Variants in GLI3 observed in about 807,000 individuals in gnomAD.
The protein encoded by GLI3 is transcription activator GLI3.
GLI3 carries 20 observed loss-of-function variants against 100.8 expected under a neutral mutation model. The observed-to-expected ratio is 0.20, with a 90% CI of 0.14 to 0.29. The LOEUF (loss-of-function observed/expected upper bound fraction) is 0.29, where lower values mean the gene tolerates loss of function less well. Among genes scored for constraint, GLI3 ranks in the 10% least tolerant of loss-of-function variants. GLI3 has a pLI of 1.00. For missense variants in GLI3, 2,040 were observed against 2,128.5 expected (o/e 0.96, Z 0.82); for synonymous variants, 938 against 860.5 (o/e 1.09, Z -1.58).
At chr7:42,118,162 ATCT>A (rs374477455) in intron 3 of GLI3, 3 of 393,100 alleles carry the variant, frequency 7.6e-6, no homozygotes, top group African/African-American at 4.1e-5. Flanking sequence ...AAGCTTAATC[ATCT>A]TAATGAAATA....
rs148920803 is a variant in GLI3 at position 42,204,829 on chromosome 7, C to T, written c.124+18301G>A. Among the ~76,000 whole-genome samples the T allele has an allele frequency of 4.4e-3, 664 of 152,180 alleles. 4 individuals are homozygous for T. The highest frequency in any genetic ancestry group is 0.014 in the African/African-American group (584 of 41,544). On this transcript the variant is annotated intron_variant, in intron 2 of 14. Coordinates refer to ENST00000395925, the MANE Select transcript of GLI3 (RefSeq NM_000168.6). ...GACATGAAAAGTTCTATTGTATGCA[C>T]GACTTCCCCGAGACTCTCCTTCGGG...
intron 3 of GLI3, among the ~76,000 whole-genome samples, chr7:42,112,118 A>T (rs1294064764): frequency 6.6e-6 from 1 of 152,218 alleles, no homozygotes; most frequent in Non-Finnish European, 1.5e-5. Context: ...ACTGCATGAC[A>T]GGAATTTCAT....
At chr7:42,098,968 A>G (rs1255120116) in intron 3 of GLI3, among the ~76,000 whole-genome samples, 1 of 152,176 alleles carries the variant, frequency 6.6e-6, no homozygotes, top group East Asian at 1.9e-4. Context: ...TGGGGCATCC[A>G]AAAGGAAGAG....
intron 7 of GLI3, among the ~76,000 whole-genome samples, chr7:42,038,536 C>G (rs1176769124): frequency 1.3e-5 from 2 of 152,118 alleles, no homozygotes; most frequent in Non-Finnish European, 2.9e-5. Context: ...TAGACATATC[C>G]AACTCTAAAG....
chr7:42,065,304 C>A (rs1397648554), intron 4 of GLI3, among the ~76,000 whole-genome samples: 4 of 151,282 alleles, frequency 2.6e-5, no homozygotes, highest in African/African-American at 7.3e-5. Context: ...CCCTGGTTAG[C>A]TACAATGCAC....
At chr7:42,182,441 A>T (rs1450880605) in intron 2 of GLI3, among the ~76,000 whole-genome samples, 2 of 150,004 alleles carry the variant, frequency 1.3e-5, no homozygotes, top group Admixed American at 6.6e-5. Context: ...CTTTAAAATT[A>T]AAAAAATAAT....
At chr7:42,090,018 G>T (rs149944256) in intron 3 of GLI3, among the ~76,000 whole-genome samples, 243 of 152,322 alleles carry the variant, frequency 1.6e-3, no homozygotes, top group African/African-American at 5.5e-3. Flanking sequence ...GGCTATAACG[G>T]TACGGTAGCA....
At chr7:42,138,947 T>A (rs531139457) in intron 3 of GLI3, among the ~76,000 whole-genome samples, 1 of 152,286 alleles carries the variant, frequency 6.6e-6, no homozygotes, top group African/African-American at 2.4e-5. Flanking sequence ...TCCCATCCTC[T>A]CCCCTGAGAC....
At chr7:42,232,749 A>G (rs1304236601) in intron 1 of GLI3, among the ~76,000 whole-genome samples, 7 of 152,232 alleles carry the variant, frequency 4.6e-5, no homozygotes, top group Non-Finnish European at 4.4e-5. Context: ...AGCTCAACAC[A>G]ATATTGCCTT....
At chr7:42,184,513 T>A (rs1475744484) in intron 2 of GLI3, among the ~76,000 whole-genome samples, 2 of 152,230 alleles carry the variant, frequency 1.3e-5, no homozygotes, top group African/African-American at 4.8e-5. Flanking sequence ...AGGAACACCA[T>A]ATCTGTTTCC....
intron 3 of GLI3, among the ~76,000 whole-genome samples, chr7:42,080,698 T>C (rs955374917): frequency 6.6e-6 from 1 of 152,206 alleles, no homozygotes; most frequent in Non-Finnish European, 1.5e-5. Context: ...GTAACATACG[T>C]GGCATCTCAT....
chr7:42,009,480 CTTTTTT>C (rs3030324), intron 10 of GLI3, among the ~76,000 whole-genome samples: 10 of 118,364 alleles, frequency 8.4e-5, no homozygotes, highest in African/African-American at 2.9e-4. Flanking sequence ...GCAAATTGTT[CTTTTTT>C]TTTTTTTTTT....
Position 42,201,950 on chromosome 7 carries a change from C to T in GLI3, c.124+21180G>A, listed in dbSNP as rs561322153. On this transcript the variant is annotated intron_variant, in intron 2 of 14. Coordinates refer to ENST00000395925, the MANE Select transcript of GLI3 (RefSeq NM_000168.6). ...TACAAAAATTAGCTGGGCATGGTGG[C>T]GTGCGCCTGTAGTCCCAGCTACTCA... 4.3e-4 allele frequency among the ~76,000 whole-genome samples: 65 copies of T among 151,884 alleles called. 3 individuals are homozygous for T. The highest frequency in any genetic ancestry group is 1.4e-3 in the African/African-American group (58 of 41,422).
At chr7:42,092,172 G>A (rs531248245) in intron 3 of GLI3, among the ~76,000 whole-genome samples, 5 of 152,314 alleles carry the variant, frequency 3.3e-5, no homozygotes, top group South Asian at 2.1e-4. Flanking sequence ...CACACCACCC[G>A]TGCAGGAGAA....
chr7:41,981,801 G>A (rs758990225), intron 10 of GLI3, among the ~76,000 whole-genome samples: 2 of 152,208 alleles, frequency 1.3e-5, no homozygotes, highest in African/African-American at 4.8e-5. Context: ...GAGGGATCCG[G>A]CACTGAGCAG....
At chr7:41,978,178 G>A (rs1022098047) in intron 11 of GLI3, among the ~76,000 whole-genome samples, 4 of 152,170 alleles carry the variant, frequency 2.6e-5, no homozygotes, top group South Asian at 2.1e-4. Context: ...ACAACCTTGC[G>A]GCACCCCCTT....
chr7:42,224,611 AAAG>A (rs1788549438), intron 1 of GLI3, among the ~76,000 whole-genome samples: 1 of 152,376 alleles, frequency 6.6e-6, no homozygotes, highest in East Asian at 1.9e-4. Flanking sequence ...GTAGAATAAA[AAAG>A]AAAAAAGAAG....
chr7:42,045,914 A>G (rs1202332688), intron 5 of GLI3, among the ~76,000 whole-genome samples: 1 of 152,234 alleles, frequency 6.6e-6, no homozygotes, highest in Non-Finnish European at 1.5e-5. Flanking sequence ...AGACTATGAT[A>G]TCTTTCCAGA....
At chr7:42,238,241 C>G (rs929920848), upstream of GLI3, among the ~76,000 whole-genome samples, 1 of 152,004 alleles carries the variant, frequency 6.6e-6, no homozygotes, top group African/African-American at 2.4e-5. Flanking sequence ...CGCCCTGGCA[C>G]TCGTGCTGCG....
Sources: allele counts gnomAD v4.1 joint callset (sites outside exome capture counted in the v4.1 genomes callset), GRCh38; gene constraint gnomAD v4.1.1; transcripts MANE v1.5; gene names NCBI Gene and HGNC (gene_info 2026-07-23, HGNC 2026-07-21).